NADSYN1: variants seen among roughly 807,000 people sequenced by gnomAD.
NADSYN1 encodes glutamine-dependent NAD(+) synthetase.
A neutral mutation model predicts 99.3 loss-of-function variants in NADSYN1; 80 were observed. The observed-to-expected ratio is 0.81, with a 90% confidence interval of 0.67 to 0.97. The LOEUF is 0.97. NADSYN1 is among the 50% of genes least tolerant of loss of function. NADSYN1 has a pLI of 0.00. For synonymous variants in NADSYN1, 385 were observed against 372.1 expected (o/e 1.03, Z -0.40); for missense variants, 859 against 948.5 (o/e 0.91, Z 1.24).
chr11:71,481,850 T>TGGAGCCTGGCTGATCCATGGGC, intron 12 of NADSYN1, 73 bp from the exon 13 acceptor site: 2 of 1,378,876 alleles, frequency 1.5e-6, no homozygotes, highest in Non-Finnish European at 2.0e-6. Flanking sequence ...GGTCTATGGG[T>TGGAGCCTGGCTGATCCATGGGC]GGAGCTTGGC....
At chr11:71,471,913 G>A (rs766047473) in intron 5 of NADSYN1, among the ~76,000 whole-genome samples, 13 of 152,148 alleles carry the variant, frequency 8.5e-5, no homozygotes, top group Non-Finnish European at 1.5e-4. Flanking sequence ...AGTCAAATGC[G>A]TGAACTGTCT....
chr11:71,457,989 C>T (rs1949524434), intron 2 of NADSYN1, among the ~76,000 whole-genome samples: 1 of 152,176 alleles, frequency 6.6e-6, no homozygotes, highest in Non-Finnish European at 1.5e-5. Flanking sequence ...CTACAAGCAT[C>T]TGTAGCAAGA....
At chr11:71,484,625 G>A (rs1949730090) in intron 15 of NADSYN1, 178 bp downstream of exon 15, 3 of 881,254 alleles carry the variant, frequency 3.4e-6, no homozygotes, top group East Asian at 2.7e-5. Context: ...TGAAGACGTC[G>A]GTCATGCAGC....
At chr11:71,472,618 C>T in intron 6 of NADSYN1, 118 bp downstream of exon 6, 1 of 924,284 alleles carries the variant, frequency 1.1e-6, no homozygotes, top group South Asian at 1.3e-5. Flanking sequence ...CCACAGTGCT[C>T]ACAGGTCTGA....
rs148368978 is a variant in NADSYN1, at chr11:71,473,237, A to G, written c.460-41A>G. ...AGGTAGTGCGTGGCCCAGACAGGGC[A>G]TGGCTAGTGAATCTCATGCACTCTT... On this transcript the variant is annotated intron_variant, in intron 6 of 20. Transcript: ENST00000319023. 504 of 1,589,542 alleles carry G rather than the reference A, an allele frequency of 3.2e-4. 1 individual carries two copies. In the African/African-American group the frequency reaches 5.9e-3, roughly 19 times the overall value.
intron 9 of NADSYN1, chr11:71,476,811 C>T (rs1031858656): frequency 2.0e-6 from 2 of 985,660 alleles, no homozygotes; most frequent in Admixed American, 6.1e-5. Context: ...CGCAGGTTCC[C>T]GGCCCCACAT....
Position 71,497,555 on chromosome 11 carries a change from T to TA in NADSYN1, c.1838dup (p.Tyr613Ter), listed in dbSNP as rs1298332364. The stretch of plus-strand genomic sequence containing the variant: ...CAGGAAGGTGGCCAAGATGGGGCCC[T>TA]ACAGCATGTTCTGCAAACTCCTCGG... ...KLRKVAKMGP[Y>*]SMFCKLLGMW... Residue 613 changes from tyrosine to a stop codon, truncating the protein, a stop_gained and frameshift_variant, in exon 19 of 21, where the codon TAC becomes TAAC. Coordinates refer to ENST00000319023, the MANE Select transcript of NADSYN1 (RefSeq NM_018161.5). LOFTEE classifies it high-confidence loss of function. 6.2e-7 allele frequency: 1 copy of TA among 1,614,122 alleles called. No individual in the cohort carries two copies.
At chr11:71,462,439 G>A (rs796230125) in intron 3 of NADSYN1, among the ~76,000 whole-genome samples, 23 of 152,126 alleles carry the variant, frequency 1.5e-4, no homozygotes, top group Admixed American at 3.3e-4. Flanking sequence ...TGGCCCCCTC[G>A]AGTTGGTCCT....
At chr11:71,486,904 C>T (rs1406738808) in intron 16 of NADSYN1, among the ~76,000 whole-genome samples, 1 of 145,454 alleles carries the variant, frequency 6.9e-6, no homozygotes, top group Non-Finnish European at 1.5e-5. Flanking sequence ...CTCCCGGGTT[C>T]ACGCCATTCT....
intron 18 of NADSYN1, among the ~76,000 whole-genome samples, chr11:71,494,088 T>C (rs561700540): frequency 6.6e-6 from 1 of 152,354 alleles, no homozygotes; most frequent in South Asian, 2.1e-4. Context: ...ATTAATTGAC[T>C]GTAGCCTAAG....
At chr11:71,477,347 T>C in intron 9 of NADSYN1, 11 of 1,289,646 alleles carry the variant, frequency 8.5e-6, no homozygotes, top group Non-Finnish European at 1.1e-5. Context: ...CATGGAAGCT[T>C]GGTGGCCAGG....
rs199608027 is a variant in NADSYN1, at chr11:71,480,825, C to A, written c.944C>A (p.Ala315Glu). The A allele has an allele frequency of 1.2e-6, 2 of 1,614,210 alleles. No homozygotes were observed. Among genetic ancestry groups the A allele is most frequent in the Admixed American group, 3.3e-5 (2 of 60,024 alleles). The change falls in exon 11 of 21, where the codon GCA becomes GAA. Residue 315 changes from alanine (A) to glutamate (E), a missense_variant. Physicochemically the swap from Ala to Glu is moderately radical, Grantham distance 107. Coordinates refer to ENST00000319023, the MANE Select transcript of NADSYN1 (RefSeq NM_018161.5). ...CTCTCGTGCCACGAGGACTTGCTGGCACCCATCTCTGAGCCCATCGAGTGG... is the reference window on the plus strand; with the variant it reads ...CTCTCGTGCCACGAGGACTTGCTGGAACCCATCTCTGAGCCCATCGAGTGG... ...FALSCHEDLL[A>E]PISEPIEWKY...
intron 5 of NADSYN1, among the ~76,000 whole-genome samples, chr11:71,469,980 G>A (rs1243702170): frequency 1.4e-5 from 2 of 144,176 alleles, no homozygotes; most frequent in East Asian, 4.1e-4. Context: ...TGCTGATAAA[G>A]ACATACCCAA....
intron 11 of NADSYN1, 67 bp downstream of exon 11, chr11:71,480,946 C>T (rs1312397360): frequency 6.3e-7 from 1 of 1,589,914 alleles, no homozygotes; most frequent in Non-Finnish European, 8.6e-7. Context: ...GGTGGGGACT[C>T]CTGGAGGTCA....
At chr11:71,486,877 C>T (rs1284249648) in intron 16 of NADSYN1, among the ~76,000 whole-genome samples, 1 of 140,486 alleles carries the variant, frequency 7.1e-6, no homozygotes, top group Non-Finnish European at 1.5e-5. Context: ...GCGATCTCGG[C>T]TCACTGCAAG....
chr11:71,472,551 G>C (rs756444717), intron 6 of NADSYN1, 51 bp downstream of exon 6: 25 of 1,513,682 alleles, frequency 1.7e-5, no homozygotes, highest in South Asian at 3.4e-5. Flanking sequence ...CGCTGTTCTC[G>C]GCCAACAGTG....
intron 4 of NADSYN1, 95 bp downstream of exon 4, chr11:71,463,580 CCG>C: frequency 8.0e-7 from 1 of 1,248,398 alleles, no homozygotes; most frequent in Non-Finnish European, 1.1e-6. Flanking sequence ...CCCTGGGGAC[CCG>C]TTGCTGGGAG....
rs567607897 is a variant in NADSYN1 at position 71,496,081 on chromosome 11, C to T, written c.1765-1402C>T. Among the ~76,000 whole-genome samples, 21 of 152,310 alleles carry T rather than the reference C, an allele frequency of 1.4e-4. No homozygotes were observed. The South Asian group carries it at 3.1e-3, about 23-fold the overall frequency. ...TCTGAGTCCCCCACACTTCAGGGCA[C>T]GGGCTCAGGAGGACAGCAGACAGGC... On this transcript the variant is annotated intron_variant, in intron 18 of 20. Coordinates refer to ENST00000319023, the MANE Select transcript of NADSYN1 (RefSeq NM_018161.5).
chr11:71,483,139 T>A, intron 14 of NADSYN1, 122 bp downstream of exon 14: 1 of 1,217,778 alleles, frequency 8.2e-7, no homozygotes, highest in Non-Finnish European at 1.2e-6. Context: ...TCATCCACTA[T>A]GTGGATAAAC....
Sources: gnomAD v4.1 joint callset for allele counts (sites outside exome capture counted in the v4.1 genomes callset) on GRCh38, gnomAD v4.1.1 for gene constraint, MANE v1.5 for transcripts, NCBI Gene and HGNC (gene_info 2026-07-23, HGNC 2026-07-21) for gene names.